The following NUDT21 variants were observed in gnomAD, a reference collection of about 807,000 sequenced individuals.
NUDT21 encodes the protein cleavage and polyadenylation specificity factor subunit 5.
A neutral mutation model predicts 29.8 loss-of-function variants in NUDT21; 5 were observed. The observed-to-expected ratio is 0.17, with a 90% CI of 0.09 to 0.35. The LOEUF (loss-of-function observed/expected upper bound fraction) is 0.35, where lower values mean the gene tolerates loss of function less well. Ranked by LOEUF, NUDT21 falls within the 10% of genes least tolerant of loss-of-function variation. NUDT21 has a pLI of 1.00. For missense variants in NUDT21, 76 were observed against 276.0 expected (o/e 0.28, Z 5.13); for synonymous variants, 113 against 98.5 (o/e 1.15, Z -0.87).
At position 56,439,642 on chromosome 16, in the gene NUDT21, T is replaced by TTCCA. The variant is rs1489850567; in HGVS notation, c.471+14_471+15insTGGA. 2.8e-5 allele frequency: 43 copies of TTCCA among 1,557,800 alleles called. No homozygotes were observed. The highest frequency in any genetic ancestry group is 3.7e-5 in the Non-Finnish European group (42 of 1,128,740). ...CTGCTTCCAAAATGCCCAGCAAATG[T>TTCCA]AACTGAACACTGACCTGAGGAGGTT... On this transcript the variant is annotated intron_variant, in intron 4 of 6. Transcript: ENST00000300291.
chr16:56,451,098 G>A lies in NUDT21; in HGVS notation c.105C>T (p.Arg35=). ...IQQTKPLTLE[R]TINLYPLTNY... The stretch of plus-strand genomic sequence containing the variant: ...CGCGCCGCACTTACAGGTTGATGGT[G>A]CGCTCCAGGGTGAGGGGCTTCGTCT... Residue 35 remains arginine, a synonymous_variant, in exon 1 of 7, where the codon CGC becomes CGT. Transcript: ENST00000300291. 2 of 1,613,540 alleles carry A rather than the reference G, an allele frequency of 1.2e-6. No individual in the cohort carries two copies. The highest frequency in any genetic ancestry group is 1.1e-5 in the South Asian group (1 of 91,030).
rs1337249711 is a variant in NUDT21 at position 56,430,398 on chromosome 16, A to C, written c.*2314T>G. 6.6e-6 allele frequency: 1 copy of C among 152,236 alleles called. No homozygotes were observed. Among genetic ancestry groups the C allele is most frequent in the African/African-American group, 2.4e-5 (1 of 41,460 alleles). The allele number at this position is 152,236 out of a possible 1,614,324, so 9.4% of individuals were successfully genotyped here. The stretch of plus-strand genomic sequence containing the variant: ...CATAGAATCTGCACTATACTTGGAT[A>C]CTCAGGGAAAATAAGATGACATATA... On this transcript the variant is annotated 3_prime_UTR_variant, in exon 7 of 7. Coordinates refer to ENST00000300291, the MANE Select transcript of NUDT21 (RefSeq NM_007006.3).
intron 1 of NUDT21, among the ~76,000 whole-genome samples, chr16:56,449,877 G>A (rs1265997895): frequency 6.6e-6 from 1 of 152,016 alleles, no homozygotes; most frequent in Non-Finnish European, 1.5e-5. Flanking sequence ...GCCTCCCAAG[G>A]TGCTGGGAGT....
chr16:56,446,655 C>T lies in NUDT21; in HGVS notation c.352G>A (p.Val118Ile), dbSNP rs1202792346. ...GTCATTAAGCGTTTTAGTCCTTCAA[C>T]TTCATCTTCTCCTGGGTTAAGTTCA... ...GGELNPGEDE[V>I]EGLKRLMTEI... The change falls in exon 3 of 7, where the codon GTT becomes ATT. Residue 118 changes from valine (V) to isoleucine (I), a missense_variant. This residue lies in a region of NUDT21 where 27 missense variants were observed against 149.5 expected (regional missense o/e 0.18). Transcript: ENST00000300291. 1 of 1,607,600 alleles carries T rather than the reference C, an allele frequency of 6.2e-7. No individual in the cohort carries two copies.
intron 3 of NUDT21, among the ~76,000 whole-genome samples, chr16:56,444,134 T>C (rs1962189961): frequency 6.6e-6 from 1 of 152,084 alleles, no homozygotes; most frequent in African/African-American, 2.4e-5. Flanking sequence ...TTTTCTTTAA[T>C]TAGCCAGGCA....
Position 56,432,428 on chromosome 16 carries a change from T to C in NUDT21, c.*284A>G. 1 of 289,122 alleles carries C rather than the reference T, an allele frequency of 3.5e-6. No homozygotes were observed. Among genetic ancestry groups the C allele is most frequent in the Non-Finnish European group, 6.4e-6 (1 of 155,372 alleles). The allele number at this position is 289,122 out of a possible 1,614,324, so 17.9% of individuals were successfully genotyped here. On this transcript the variant is annotated 3_prime_UTR_variant, in exon 7 of 7. Transcript: ENST00000300291. The stretch of plus-strand genomic sequence containing the variant: ...AAAAATGATCCTCACCTATAAGAAT[T>C]TTAGAAGTTTAATGAGAAATTAAAA...
chr16:56,435,423 G>T (rs1165088175), intron 4 of NUDT21, among the ~76,000 whole-genome samples: 1 of 150,328 alleles, frequency 6.7e-6, no homozygotes, highest in African/African-American at 2.4e-5. Flanking sequence ...CTAAAAGCTG[G>T]TTTTTTAAAA....
At chr16:56,450,997 C>G (rs563300399) in intron 1 of NUDT21, 90 bp downstream of exon 1, 2 of 1,077,846 alleles carry the variant, frequency 1.9e-6, no homozygotes, top group Non-Finnish European at 2.8e-6. Context: ...GGTGCAGAGG[C>G]GTGAAGCGCG....
At chr16:56,445,535 C>T (rs1962209764) in intron 3 of NUDT21, among the ~76,000 whole-genome samples, 1 of 152,196 alleles carries the variant, frequency 6.6e-6, no homozygotes, top group South Asian at 2.1e-4. Flanking sequence ...TGGTCCCAAG[C>T]TCTCAGATAA....
At chr16:56,434,595 T>C in intron 5 of NUDT21, 150 bp from the exon 6 acceptor site, 1 of 776,964 alleles carries the variant, frequency 1.3e-6, no homozygotes, top group South Asian at 1.6e-5. Flanking sequence ...CAAGGTAGAT[T>C]TCCTAGCCAC....
intron 3 of NUDT21, among the ~76,000 whole-genome samples, chr16:56,446,015 G>A (rs1962213841): frequency 6.6e-6 from 1 of 152,048 alleles, no homozygotes; most frequent in African/African-American, 2.4e-5. Flanking sequence ...TTGTAACAGG[G>A]GCAGGCGGCA....
chr16:56,449,865 C>A (rs1157316804), intron 1 of NUDT21, among the ~76,000 whole-genome samples: 2 of 152,180 alleles, frequency 1.3e-5, no homozygotes, highest in African/African-American at 4.8e-5. Context: ...CCTCCCACCT[C>A]AGCCTCCCAA....
intron 2 of NUDT21, 75 bp downstream of exon 2, chr16:56,447,714 A>C (rs1962234863): frequency 1.5e-6 from 2 of 1,353,040 alleles, no homozygotes; most frequent in African/African-American, 2.9e-5. Context: ...CCGAGGGCTA[A>C]AATTGTATTC....
chr16:56,450,359 A>T lies in NUDT21; in HGVS notation c.116+728T>A, dbSNP rs181576749. On this transcript the variant is annotated intron_variant, in intron 1 of 6. Transcript: ENST00000300291. ...AATGGTTTGAAGTGTTGAAACAGAA[A>T]GGTGTTGAAAATAAAACACAGCCCA... is the stretch of plus-strand genomic sequence containing the variant. Among the ~76,000 whole-genome samples the T allele has an allele frequency of 3.0e-3, 450 of 152,340 alleles. 2 individuals are homozygous for T. Among genetic ancestry groups the T allele is most frequent in the African/African-American group, 0.01 (430 of 41,584 alleles).
chr16:56,445,331 A>T (rs1340249010), intron 3 of NUDT21, among the ~76,000 whole-genome samples: 1 of 152,266 alleles, frequency 6.6e-6, no homozygotes, highest in East Asian at 1.9e-4. Flanking sequence ...TTTTGAGTAC[A>T]CAAGATGTTT....
chr16:56,441,102 G>A (rs895492885), intron 3 of NUDT21, among the ~76,000 whole-genome samples: 4 of 152,132 alleles, frequency 2.6e-5, no homozygotes, highest in South Asian at 2.1e-4. Flanking sequence ...GCACAGCGAC[G>A]CAATCATGGC....
chr16:56,451,040 A>T, intron 1 of NUDT21, 47 bp downstream of exon 1: 1 of 1,521,364 alleles, frequency 6.6e-7, no homozygotes, highest in South Asian at 1.1e-5. Context: ...GAGAGTCTAT[A>T]GGAGCTTTCA....
Position 56,446,177 on chromosome 16 carries a change from A to G in NUDT21, c.381+449T>C, listed in dbSNP as rs762288143. Reference sequence around the variant, plus strand: ...TTGGGCAAAGTCTAAAAAATATGTGAAAAAAGTGAAAACACAGGCATCTTT... The same window carrying G: ...TTGGGCAAAGTCTAAAAAATATGTGGAAAAAGTGAAAACACAGGCATCTTT... On this transcript the variant is annotated intron_variant, in intron 3 of 6. Transcript: ENST00000300291. Among the ~76,000 whole-genome samples the G allele has an allele frequency of 8.3e-4, 126 of 152,234 alleles. 1 individual carries two copies. Among genetic ancestry groups the G allele is most frequent in the Non-Finnish European group, 7.5e-4 (51 of 68,046 alleles).
chr16:56,439,794 A>C (rs1314713916), intron 3 of NUDT21, 48 bp from the exon 4 acceptor site: 2 of 1,421,290 alleles, frequency 1.4e-6, no homozygotes, highest in Non-Finnish European at 2.0e-6. Flanking sequence ...ATGTACTCAC[A>C]AATCCCCTTC....
Sources: gnomAD v4.1 joint callset for allele counts (sites outside exome capture counted in the v4.1 genomes callset) on GRCh38, gnomAD v4.1.1 for gene constraint, gnomAD v4.1.1 regional missense constraint, MANE v1.5 for transcripts, NCBI Gene and HGNC (gene_info 2026-07-23, HGNC 2026-07-21) for gene names.